Variants in PGD observed in about 807,000 individuals in gnomAD.
PGD encodes the protein phosphogluconate dehydrogenase.
Under a neutral mutation model 60.4 loss-of-function variants are expected in PGD, and 21 were observed. The observed-to-expected ratio is 0.35, with a 90% confidence interval of 0.25 to 0.50. The LOEUF (loss-of-function observed/expected upper bound fraction) is 0.50, where lower values mean the gene tolerates loss of function less well. Among genes scored for constraint, PGD ranks in the 20% least tolerant of loss-of-function variants. The probability of loss-of-function intolerance (pLI) is 0.98; values close to 1 mark genes in which losing one functional copy is unlikely to be tolerated. For missense variants in PGD, 477 were observed against 613.1 expected (o/e 0.78, Z 2.34); for synonymous variants, 230 against 235.9 (o/e 0.97, Z 0.23).
At chr1:10,400,117 C>A (rs1639290378) in intron 2 of PGD, 2 of 473,568 alleles carry the variant, frequency 4.2e-6, no homozygotes, top group African/African-American at 3.9e-5. Flanking sequence ...TTGAACCGGC[C>A]AGTTCCTGGA....
intron 8 of PGD, among the ~76,000 whole-genome samples, chr1:10,414,615 G>A (rs1639563837): frequency 1.3e-5 from 2 of 151,824 alleles, no homozygotes; most frequent in South Asian, 4.2e-4. Flanking sequence ...AACCTCAGGG[G>A]ATCTGCCCGC....
intron 6 of PGD, 60 bp from the exon 7 acceptor site, chr1:10,411,358 G>T (rs913570347): frequency 1.9e-6 from 3 of 1,596,568 alleles, no homozygotes; most frequent in Middle Eastern, 2.2e-4. Flanking sequence ...AGCTGATGTG[G>T]ACTTCTCTGA....
intron 3 of PGD, among the ~76,000 whole-genome samples, chr1:10,402,576 G>T (rs570311534): frequency 1.6e-4 from 24 of 151,290 alleles, no homozygotes; most frequent in African/African-American, 5.6e-4. Flanking sequence ...AGGCTGGAGT[G>T]CAGTGTTGCG....
At chr1:10,412,807 G>A in intron 7 of PGD, 1 of 424,844 alleles carries the variant, frequency 2.4e-6, no homozygotes. Context: ...AGAGACCTAA[G>A]TGAAGTGAGG....
intron 6 of PGD, among the ~76,000 whole-genome samples, chr1:10,410,308 G>A (rs1439088051): frequency 6.6e-6 from 1 of 152,046 alleles, no homozygotes; most frequent in East Asian, 1.9e-4. Context: ...TGAGTGTGGC[G>A]GTGTGCTCCT....
Position 10,399,093 on chromosome 1 carries a change from CT to C in PGD, c.-23del, listed in dbSNP as rs1420435601. The C allele has an allele frequency of 2.5e-6, 4 of 1,609,624 alleles. No homozygotes were observed. The Admixed American group carries it at 6.7e-5, about 27-fold the overall frequency. ...CACTCGTCCTCCGCGCGTCGCCGCT[CT>C]TCGGTTCTGCTCTGTCCGCCGCCAT... On this transcript the variant is annotated 5_prime_UTR_variant, in exon 1 of 13. Transcript: ENST00000270776.
In PGD at chr1:10,419,809, G is replaced by A; in HGVS notation, c.*60G>A. On this transcript the variant is annotated 3_prime_UTR_variant, in exon 13 of 13. Transcript: ENST00000270776. ...GACCAGGACATTCCATGTGCCTCAT[G>A]GCACTGCCACCTGGCCCTTTGCCCT... is the stretch of plus-strand genomic sequence containing the variant. 1 of 1,594,350 alleles carries A rather than the reference G, an allele frequency of 6.3e-7. No individual in the cohort carries two copies. The highest frequency in any genetic ancestry group is 1.1e-5 in the South Asian group (1 of 90,154).
chr1:10,405,951 T>A (rs550794165), intron 5 of PGD, among the ~76,000 whole-genome samples: 1 of 152,256 alleles, frequency 6.6e-6, no homozygotes, highest in Middle Eastern at 3.4e-3. Flanking sequence ...CCTGCCAGGT[T>A]CACGCCATTC....
intron 6 of PGD, 81 bp from the exon 7 acceptor site, chr1:10,411,337 G>A (rs1362145201): frequency 9.2e-6 from 14 of 1,516,258 alleles, no homozygotes; most frequent in Non-Finnish European, 1.3e-5. Flanking sequence ...TGCCAGGGAT[G>A]TTGGCATGAA....
intron 7 of PGD, among the ~76,000 whole-genome samples, chr1:10,412,289 T>G (rs1015733274): frequency 6.6e-6 from 1 of 152,254 alleles, no homozygotes. Flanking sequence ...GGTTTGCTGA[T>G]GCGCTTTCTA....
At chr1:10,403,255 C>G in intron 4 of PGD, 119 bp downstream of exon 4, 1 of 720,872 alleles carries the variant, frequency 1.4e-6, no homozygotes, top group Admixed American at 2.1e-5. Flanking sequence ...TTTGAGATTA[C>G]TACTGATACA....
chr1:10,408,969 G>A (rs887887400), intron 6 of PGD, among the ~76,000 whole-genome samples: 2 of 152,070 alleles, frequency 1.3e-5, no homozygotes, highest in African/African-American at 4.8e-5. Context: ...GCTGTGGATG[G>A]AAAAAAGCAT....
At chr1:10,407,469 G>A (rs2102390483) in intron 5 of PGD, among the ~76,000 whole-genome samples, 1 of 152,198 alleles carries the variant, frequency 6.6e-6, no homozygotes, top group East Asian at 1.9e-4. Context: ...ATTTCTTCTG[G>A]TGCTTTGGTG....
In PGD at chr1:10,419,621, G is replaced by C. The variant is rs1889309; in HGVS notation, c.1333-9G>C. On this transcript the variant is annotated splice_polypyrimidine_tract_variant and intron_variant, in intron 12 of 12. Transcript: ENST00000270776. ...ACTGTCCTGACCAACCTACTCTCTC[G>C]TTTCCTAGGCTCAGCGGGATTACTT... 9.3e-6 allele frequency: 15 copies of C among 1,613,856 alleles called. No individual in the cohort carries two copies. The highest frequency in any genetic ancestry group is 1.1e-5 in the Non-Finnish European group (13 of 1,179,938).
chr1:10,409,562 C>G (rs1204251299), intron 6 of PGD, among the ~76,000 whole-genome samples: 2 of 151,254 alleles, frequency 1.3e-5, no homozygotes, highest in Non-Finnish European at 2.9e-5. Flanking sequence ...CATACTACTG[C>G]ACTCTGGCCT....
chr1:10,402,547 GGGTCTCACTCTGTCCCCCAGGC>G (rs1639333155), intron 3 of PGD, among the ~76,000 whole-genome samples: 13 of 151,152 alleles, frequency 8.6e-5, no homozygotes, highest in Admixed American at 7.9e-4. Flanking sequence ...TTTTGAGACG[GGGTCTCACTCTGTCCCCCAGGC>G]TGGAGTGCAG....
intron 2 of PGD, 89 bp from the exon 3 acceptor site, chr1:10,400,304 G>A: frequency 1.0e-6 from 1 of 992,592 alleles, no homozygotes; most frequent in Non-Finnish European, 1.5e-6. Context: ...CCAGAACTTG[G>A]GTTGAATGGA....
Position 10,419,859 on chromosome 1 carries a change from T to G in PGD, c.*110T>G. 1 of 1,321,826 alleles carries G rather than the reference T, an allele frequency of 7.6e-7. No homozygotes were observed. Among genetic ancestry groups the G allele is most frequent in the Non-Finnish European group, 1.1e-6 (1 of 947,676 alleles). The allele number at this position is 1,321,826 out of a possible 1,614,324, so 81.9% of individuals were successfully genotyped here. On this transcript the variant is annotated 3_prime_UTR_variant, in exon 13 of 13. Coordinates refer to ENST00000270776, the MANE Select transcript of PGD (RefSeq NM_002631.4). ...TATTTTCTGTTCAGTTTTTTAAAAG[T>G]GTTGTAAGAGACTCCTGAGGAAGAC...
chr1:10,400,488 G>C lies in PGD; in HGVS notation c.180G>C (p.Glu60Asp). The change falls in exon 3 of 13, where the codon GAG becomes GAC. Residue 60 changes from glutamate (E) to aspartate (D), a missense_variant. Transcript: ENST00000270776. ...TGGTGGGTGCCCAGTCCCTGAAAGA[G>C]ATGGTCTCCAAGCTGAAGAAGCCCC... Reference protein sequence around the residue: ...TKVVGAQSLKEMVSKLKKPRR... With the variant: ...TKVVGAQSLKDMVSKLKKPRR... 1 of 1,614,016 alleles carries C rather than the reference G, an allele frequency of 6.2e-7. No homozygotes were observed. Among genetic ancestry groups the C allele is most frequent in the South Asian group, 1.1e-5 (1 of 91,076 alleles).
Sources: allele counts gnomAD v4.1 joint callset (sites outside exome capture counted in the v4.1 genomes callset), GRCh38; gene constraint gnomAD v4.1.1; transcripts MANE v1.5; gene names NCBI Gene and HGNC (gene_info 2026-07-23, HGNC 2026-07-21).